The following FBXL7 variants were observed in gnomAD, a reference collection of about 807,000 sequenced individuals.
The protein encoded by FBXL7 is F-box and leucine rich repeat protein 7, also known as F-box/LRR-repeat protein 7.
In FBXL7, 12 loss-of-function variants were observed where a neutral mutation model predicts 38.3. The ratio of observed to expected loss-of-function variants is 0.31; its 90% CI spans 0.20 to 0.51. The LOEUF (loss-of-function observed/expected upper bound fraction) is 0.51, where lower values mean the gene tolerates loss of function less well. FBXL7 is among the 20% of genes least tolerant of loss of function. FBXL7 has a pLI of 0.98. For missense variants in FBXL7, 567 were observed against 676.4 expected, an observed-to-expected ratio of 0.84 and a Z score of 1.79; for synonymous variants, 297 against 300.9, an observed-to-expected ratio of 0.99 and a Z score of 0.13.
chr5:15,724,360 G>C (rs1744283802), intron 2 of FBXL7, among the ~76,000 whole-genome samples: 1 of 152,082 alleles, frequency 6.6e-6, no homozygotes, highest in Non-Finnish European at 1.5e-5. Context: ...GTAATGTACA[G>C]ACAATGGAAT....
intron 2 of FBXL7, among the ~76,000 whole-genome samples, chr5:15,782,296 A>G (rs1288789356): frequency 5.9e-5 from 9 of 152,134 alleles, no homozygotes; most frequent in Admixed American, 5.2e-4. Flanking sequence ...ATGTGTGTGC[A>G]TGTGTCTTTA....
intron 2 of FBXL7, among the ~76,000 whole-genome samples, chr5:15,795,479 TA>T (rs1275874687): frequency 6.6e-6 from 1 of 152,204 alleles, no homozygotes; most frequent in Non-Finnish European, 1.5e-5. Context: ...GTAGGAATTC[TA>T]AAAAAGGTAT....
chr5:15,841,087 T>C (rs1347148465), intron 2 of FBXL7, among the ~76,000 whole-genome samples: 2 of 152,112 alleles, frequency 1.3e-5, no homozygotes, highest in African/African-American at 4.8e-5. Context: ...TGAAATTTTT[T>C]TGTGTAGAGT....
chr5:15,895,292 G>A (rs1413209361), intron 2 of FBXL7, among the ~76,000 whole-genome samples: 2 of 152,030 alleles, frequency 1.3e-5, no homozygotes, highest in Non-Finnish European at 2.9e-5. Context: ...TGAATTTTTA[G>A]CATTGTGCAT....
chr5:15,841,608 T>C (rs1275748618), intron 2 of FBXL7, among the ~76,000 whole-genome samples: 1 of 152,198 alleles, frequency 6.6e-6, no homozygotes, highest in Non-Finnish European at 1.5e-5. Flanking sequence ...TATCCCTTGC[T>C]TGAACTACTT....
chr5:15,720,168 A>G (rs1561098930), intron 2 of FBXL7, among the ~76,000 whole-genome samples: 1 of 149,254 alleles, frequency 6.7e-6, no homozygotes, highest in Non-Finnish European at 1.5e-5. Flanking sequence ...TAAACCAGTC[A>G]TTCATTAGCA....
intron 1 of FBXL7, among the ~76,000 whole-genome samples, chr5:15,547,397 C>T (rs35996858): frequency 0.031 from 4,737 of 152,224 alleles, 100 homozygotes; most frequent in Non-Finnish European, 0.048. Context: ...GACAGATGAA[C>T]GAAGGGACCA....
intron 2 of FBXL7, among the ~76,000 whole-genome samples, chr5:15,868,493 T>G (rs1739815000): frequency 6.6e-6 from 1 of 152,234 alleles, no homozygotes; most frequent in South Asian, 2.1e-4. Context: ...GAACTGTGTT[T>G]AGTACCCAGC....
chr5:15,818,743 TGAGAGAGAGAGA>T (rs201462691), intron 2 of FBXL7, among the ~76,000 whole-genome samples: 1 of 39,466 alleles, frequency 2.5e-5, no homozygotes, highest in African/African-American at 6.9e-5. Flanking sequence ...TGTGTGTGTG[TGAGAGAGAGAGA>T]GATTTAAAAT....
At chr5:15,785,246 C>T (rs1337838078) in intron 2 of FBXL7, among the ~76,000 whole-genome samples, 2 of 152,184 alleles carry the variant, frequency 1.3e-5, no homozygotes, top group Admixed American at 6.5e-5. Flanking sequence ...ACACAGGAAG[C>T]GAGTGAAGCT....
intron 2 of FBXL7, among the ~76,000 whole-genome samples, chr5:15,805,047 C>G (rs1737669024): frequency 6.6e-6 from 1 of 152,210 alleles, no homozygotes. Flanking sequence ...CTCCCTGTGT[C>G]TTCACCTCAC....
At chr5:15,507,375 A>G (rs1264035685) in intron 1 of FBXL7, among the ~76,000 whole-genome samples, 2 of 152,208 alleles carry the variant, frequency 1.3e-5, no homozygotes, top group Non-Finnish European at 1.5e-5. Flanking sequence ...CACATTTAAA[A>G]CAAAACAGAA....
intron 1 of FBXL7, among the ~76,000 whole-genome samples, chr5:15,537,393 G>C (rs556330883): frequency 1.3e-5 from 2 of 152,290 alleles, no homozygotes; most frequent in Admixed American, 6.5e-5. Flanking sequence ...ACCAAATACA[G>C]AGTTTTTAAT....
rs1194420571 is a variant in FBXL7 at position 15,641,942 on chromosome 5, TGTGTG to T, written c.127+25871_127+25875del. ...TATATGGTAACTTAACATAAAACCT[TGTGTG>T]TGTGTGTGTGTGTGTGTGTGTGTGT... On this transcript the variant is annotated intron_variant, in intron 2 of 3. Coordinates refer to ENST00000504595, the MANE Select transcript of FBXL7 (RefSeq NM_012304.5). Among the ~76,000 whole-genome samples the T allele has an allele frequency of 3.9e-3, 12 of 3,116 alleles. 1 individual carries two copies. In the South Asian group the frequency reaches 0.098, roughly 25 times the overall value. 2.0% of individuals were successfully genotyped at this position (3,116 alleles called of 152,430 possible). A position where few individuals can be genotyped will look rare whatever the true frequency, so the allele number is the denominator to read the frequency against.
At chr5:15,795,771 A>G (rs1055320029) in intron 2 of FBXL7, among the ~76,000 whole-genome samples, 6 of 152,158 alleles carry the variant, frequency 3.9e-5, no homozygotes, top group South Asian at 2.1e-4. Flanking sequence ...TTCAATTTGG[A>G]AGGAAATAAG....
chr5:15,732,385 T>C (rs559621134), intron 2 of FBXL7, among the ~76,000 whole-genome samples: 1 of 152,362 alleles, frequency 6.6e-6, no homozygotes, highest in Admixed American at 6.5e-5. Context: ...CTGAATAACA[T>C]GACAGCAATG....
chr5:15,786,820 T>A (rs1237377269), intron 2 of FBXL7, among the ~76,000 whole-genome samples: 2 of 152,198 alleles, frequency 1.3e-5, no homozygotes, highest in East Asian at 1.9e-4. Context: ...CAAAGTCATG[T>A]CCATAGTCTC....
chr5:15,720,561 A>G lies in FBXL7; in HGVS notation c.127+104489A>G, dbSNP rs974744348. Reference sequence around the variant, plus strand: ...CTAAAACTTTATGTGTTTAAATTGTATCTAATTTTGCATTTATACCTAGCT... The same window carrying G: ...CTAAAACTTTATGTGTTTAAATTGTGTCTAATTTTGCATTTATACCTAGCT... On this transcript the variant is annotated intron_variant, in intron 2 of 3. Transcript: ENST00000504595. Among the ~76,000 whole-genome samples the G allele has an allele frequency of 8.1e-5, 12 of 148,672 alleles. 2 individuals carry two copies. The highest frequency in any genetic ancestry group is 1.5e-4 in the Non-Finnish European group (10 of 66,654).
At chr5:15,659,891 G>T (rs1273757370) in intron 2 of FBXL7, among the ~76,000 whole-genome samples, 1 of 152,202 alleles carries the variant, frequency 6.6e-6, no homozygotes, top group Non-Finnish European at 1.5e-5. Context: ...ATATTGTGGA[G>T]GAGAGATTGA....
Sources: allele counts gnomAD v4.1 joint callset (sites outside exome capture counted in the v4.1 genomes callset), GRCh38; gene constraint gnomAD v4.1.1; transcripts MANE v1.5; gene names NCBI Gene and HGNC (gene_info 2026-07-23, HGNC 2026-07-21).